The following KDM4C variants were observed in gnomAD, a reference collection of about 807,000 sequenced individuals.
KDM4C encodes the protein lysine-specific demethylase 4C.
Under a neutral mutation model 129.3 loss-of-function variants are expected in KDM4C, and 81 were observed. That is an observed-to-expected ratio of 0.63 (90% confidence interval 0.52 to 0.75). The LOEUF is 0.75. KDM4C is among the 30% of genes least tolerant of loss of function. KDM4C has a pLI of 0.00. For synonymous variants in KDM4C, 573 were observed against 456.1 expected, an observed-to-expected ratio of 1.26 and a Z score of -3.26; for missense variants, 1,457 against 1,304.0, an observed-to-expected ratio of 1.12 and a Z score of -1.81.
At chr9:7,020,464 T>C (rs932062550) in intron 15 of KDM4C, among the ~76,000 whole-genome samples, 7 of 152,356 alleles carry the variant, frequency 4.6e-5, no homozygotes, top group African/African-American at 1.7e-4. Context: ...TTCAGCTCTG[T>C]TTGATTGAAA....
chr9:6,973,486 A>G (rs1832354470), intron 8 of KDM4C, among the ~76,000 whole-genome samples: 1 of 152,268 alleles, frequency 6.6e-6, no homozygotes, highest in Admixed American at 6.5e-5. Flanking sequence ...TAATCAGAGT[A>G]CATGGAGTGC....
intron 8 of KDM4C, among the ~76,000 whole-genome samples, chr9:6,960,656 T>C (rs1829881811): frequency 6.6e-6 from 1 of 152,190 alleles, no homozygotes; most frequent in African/African-American, 2.4e-5. Context: ...AAAGATGATT[T>C]CACACTGACA....
chr9:6,729,435 G>C (rs1454678583), intron 1 of KDM4C, among the ~76,000 whole-genome samples: 1 of 128,150 alleles, frequency 7.8e-6, no homozygotes, highest in African/African-American at 3.4e-5. Flanking sequence ...CAGTTACTTA[G>C]GAGGCTTTGG....
intron 8 of KDM4C, among the ~76,000 whole-genome samples, chr9:6,934,420 C>T (rs1002269005): frequency 6.0e-5 from 9 of 150,010 alleles, no homozygotes; most frequent in Non-Finnish European, 1.3e-4. Context: ...GCGGAGCTTG[C>T]GGTGAGCTGA....
At chr9:6,807,787 A>AGGG (rs1396627230) in intron 3 of KDM4C, among the ~76,000 whole-genome samples, 1 of 104,118 alleles carries the variant, frequency 9.6e-6, no homozygotes, top group Non-Finnish European at 1.9e-5. Context: ...TCTGGGAGGG[A>AGGG]GGTGGGGGGG....
intron 5 of KDM4C, among the ~76,000 whole-genome samples, chr9:6,878,957 A>G (rs1298194885): frequency 6.6e-6 from 1 of 152,252 alleles, no homozygotes; most frequent in African/African-American, 2.4e-5. Flanking sequence ...TTCGGTTGGA[A>G]CAATTTCATT....
intron 17 of KDM4C, among the ~76,000 whole-genome samples, chr9:7,089,090 ATAT>A (rs1175609225): frequency 6.6e-6 from 1 of 152,140 alleles, no homozygotes; most frequent in Non-Finnish European, 1.5e-5. Flanking sequence ...AAAAAGAAAA[ATAT>A]TAGAGCTGCT....
intron 1 of KDM4C, among the ~76,000 whole-genome samples, chr9:6,779,618 G>T (rs184844554): frequency 5.9e-5 from 9 of 152,304 alleles, no homozygotes; most frequent in Admixed American, 3.9e-4. Context: ...CTGCAGCAGT[G>T]TTCTGGGAGA....
At position 6,859,626 on chromosome 9, in the gene KDM4C, G is replaced by T. The variant is rs544206370; in HGVS notation, c.629+9926G>T. ...CGCCTGTAATCCAGCACTTTGGGAG[G>T]CCCAGGCGGGCAGATCGCGAGATCC... On this transcript the variant is annotated intron_variant, in intron 5 of 21. Coordinates refer to ENST00000381309, the MANE Select transcript of KDM4C (RefSeq NM_015061.6). Among the ~76,000 whole-genome samples, 417 of 151,586 alleles carry T rather than the reference G, an allele frequency of 2.8e-3. 7 individuals are homozygous for T. The highest frequency in any genetic ancestry group is 9.6e-3 in the African/African-American group (399 of 41,362).
intron 5 of KDM4C, among the ~76,000 whole-genome samples, chr9:6,864,556 T>C (rs1431079261): frequency 6.6e-6 from 1 of 151,374 alleles, no homozygotes; most frequent in African/African-American, 2.4e-5. Context: ...CAGTAACCTC[T>C]GCCTCCCAGT....
At position 6,986,579 on chromosome 9, in the gene KDM4C, T is replaced by C. The variant is rs774823141; in HGVS notation, c.1590T>C (p.Ser530=). Residue 530 remains serine (S), a synonymous_variant, in exon 11 of 22, where the codon AGT becomes AGC. Coordinates refer to ENST00000381309, the MANE Select transcript of KDM4C (RefSeq NM_015061.6). ...SNGVLTEGEE[S]DVESHGNGLE... is the part of the protein sequence containing the mutation. ...GTGTGTTAACAGAGGGAGAAGAGAG[T>C]GATGTGGAGAGCCATGGGAATGGCC... The C allele has an allele frequency of 1.2e-6, 2 of 1,612,780 alleles. No homozygotes were observed. The highest frequency in any genetic ancestry group is 2.7e-5 in the African/African-American group (2 of 74,480).
chr9:6,879,167 T>C (rs1308195971), intron 5 of KDM4C, among the ~76,000 whole-genome samples: 1 of 152,004 alleles, frequency 6.6e-6, no homozygotes, highest in Admixed American at 6.5e-5. Context: ...GTACAGCAAA[T>C]AGAGGTCTTC....
At chr9:6,842,401 C>G (rs779157852) in intron 4 of KDM4C, among the ~76,000 whole-genome samples, 1 of 149,548 alleles carries the variant, frequency 6.7e-6, no homozygotes, top group Non-Finnish European at 1.5e-5. Context: ...TCACTGCAAC[C>G]TCGGCTCACT....
intron 8 of KDM4C, among the ~76,000 whole-genome samples, chr9:6,939,879 A>G (rs1047320606): frequency 4.6e-5 from 7 of 152,216 alleles, no homozygotes. Flanking sequence ...AAGTCTAAGT[A>G]AAAAACGTTG....
intron 17 of KDM4C, chr9:7,076,301 C>G (rs1587481876): frequency 1.6e-6 from 1 of 606,670 alleles, no homozygotes; most frequent in Non-Finnish European, 2.9e-6. Flanking sequence ...ACAGTTTATT[C>G]AAGGAATACA....
intron 21 of KDM4C, 103 bp from the exon 22 acceptor site, chr9:7,174,450 G>A: frequency 9.4e-7 from 1 of 1,063,038 alleles, no homozygotes. Flanking sequence ...CTGGTGACCT[G>A]GGCATCTGCA....
chr9:6,993,436 AGTT>A (rs1399493545), intron 12 of KDM4C, among the ~76,000 whole-genome samples: 1 of 152,182 alleles, frequency 6.6e-6, no homozygotes, highest in Non-Finnish European at 1.5e-5. Context: ...TTTATTGCCC[AGTT>A]GTTTAAAAAT....
chr9:6,972,267 A>G lies in KDM4C; in HGVS notation c.922-8658A>G, dbSNP rs1372972473. Among the ~76,000 whole-genome samples, 10 of 151,894 alleles carry G rather than the reference A, an allele frequency of 6.6e-5. No individual in the cohort carries two copies. In the East Asian group the frequency reaches 1.9e-3, roughly 29 times the overall value. ...TGTGTGTGTGTGTGTATATATATATACACACATATGTATATAAATATCTGT... is the reference window on the plus strand; with the variant it reads ...TGTGTGTGTGTGTGTATATATATATGCACACATATGTATATAAATATCTGT... On this transcript the variant is annotated intron_variant, in intron 8 of 21. Coordinates refer to ENST00000381309, the MANE Select transcript of KDM4C (RefSeq NM_015061.6).
At chr9:7,024,839 G>T (rs192309984) in intron 15 of KDM4C, among the ~76,000 whole-genome samples, 2 of 152,240 alleles carry the variant, frequency 1.3e-5, no homozygotes, top group African/African-American at 4.8e-5. Flanking sequence ...AATCCTTTGG[G>T]TATATATCCA....
Sources: gnomAD v4.1 joint callset for allele counts (sites outside exome capture counted in the v4.1 genomes callset) on GRCh38, gnomAD v4.1.1 for gene constraint, MANE v1.5 for transcripts, NCBI Gene and HGNC (gene_info 2026-07-23, HGNC 2026-07-21) for gene names.